Variants in SYNPO2 observed in about 807,000 individuals in gnomAD.
SYNPO2 encodes synaptopodin 2.
Under a neutral mutation model 85.0 loss-of-function variants are expected in SYNPO2, and 56 were observed. The ratio of observed to expected loss-of-function variants is 0.66; its 90% confidence interval spans 0.53 to 0.82. SYNPO2 has a LOEUF of 0.82. Among genes scored for constraint, SYNPO2 ranks in the 40% least tolerant of loss-of-function variants. The pLI, the probability that SYNPO2 is intolerant of heterozygous loss-of-function variation, is 0.00. For synonymous variants in SYNPO2, 602 were observed against 591.1 expected (o/e 1.02, Z -0.27); for missense variants, 1,575 against 1,534.2 (o/e 1.03, Z -0.44).
chr4:118,984,253 AAG>A (rs10561009), intron 1 of SYNPO2, among the ~76,000 whole-genome samples: 22,560 of 152,186 alleles, frequency 0.15, 1,801 homozygotes, highest in Admixed American at 0.18. Context: ...ACGCAGATGT[AAG>A]AGAGAGAAAA....
intron 4 of SYNPO2, chr4:119,043,915 G>A (rs1206266911): frequency 2.4e-5 from 3 of 125,110 alleles, no homozygotes; most frequent in Non-Finnish European, 4.7e-5. Flanking sequence ...TCCAGCCTGG[G>A]TGACAGAGAC....
intron 1 of SYNPO2, among the ~76,000 whole-genome samples, chr4:119,000,088 G>A (rs561565411): frequency 1.2e-4 from 19 of 152,334 alleles, no homozygotes; most frequent in African/African-American, 4.3e-4. Context: ...CTGGAGTGCA[G>A]TGGCACAATC....
chr4:118,970,355 C>T (rs1018027433), intron 1 of SYNPO2, among the ~76,000 whole-genome samples: 2 of 152,112 alleles, frequency 1.3e-5, no homozygotes, highest in Non-Finnish European at 2.9e-5. Context: ...ATCATATGTG[C>T]CAATCAAGAG....
chr4:119,037,196 T>C, intron 4 of SYNPO2: 2 of 1,539,830 alleles, frequency 1.3e-6, no homozygotes, highest in East Asian at 2.5e-5. Flanking sequence ...CTGATAATGA[T>C]AATACTCAAA....
At chr4:118,982,523 G>A (rs1736067963) in intron 1 of SYNPO2, among the ~76,000 whole-genome samples, 1 of 152,152 alleles carries the variant, frequency 6.6e-6, no homozygotes, top group Non-Finnish European at 1.5e-5. Flanking sequence ...AAGAGAAGGA[G>A]GATGGTATGC....
intron 4 of SYNPO2, chr4:119,034,566 A>T: frequency 1.0e-6 from 1 of 985,556 alleles, no homozygotes; most frequent in South Asian, 4.7e-5. Flanking sequence ...AAGCATCTAC[A>T]ACTTCAGCTG....
At position 118,888,882 on chromosome 4, in the gene SYNPO2, G is replaced by GCGGCTGGGGCA. The variant is rs1732265655; in HGVS notation, c.-155_-154insCGGCTGGGGCA. On this transcript the variant is annotated 5_prime_UTR_variant, in exon 1 of 5. Transcript: ENST00000307142. ...CAAATTCGCAGCAGGCGGCTGGGGC[G>GCGGCTGGGGCA]GCGGCTGGGGCAGCGGCTGCAGCAG... 1 of 735,410 alleles carries GCGGCTGGGGCA rather than the reference G, an allele frequency of 1.4e-6. No homozygotes were observed. The allele number at this position is 735,410 out of a possible 1,614,324, so 45.6% of individuals were successfully genotyped here. A position where few individuals can be genotyped will look rare whatever the true frequency, so the allele number is the denominator to read the frequency against.
At chr4:118,871,234 C>T (rs923254554) in intron 1 of SYNPO2, among the ~76,000 whole-genome samples, 1 of 152,158 alleles carries the variant, frequency 6.6e-6, no homozygotes, top group Non-Finnish European at 1.5e-5. Flanking sequence ...TACCACATCC[C>T]TCCCCACACC....
At chr4:118,975,978 G>A (rs780673687) in intron 1 of SYNPO2, among the ~76,000 whole-genome samples, 2 of 152,142 alleles carry the variant, frequency 1.3e-5, no homozygotes, top group Non-Finnish European at 2.9e-5. Flanking sequence ...TAAAAGTGCC[G>A]GCTATGGAGA....
chr4:118,890,856 G>C (rs1578522723), intron 1 of SYNPO2, among the ~76,000 whole-genome samples: 1 of 151,944 alleles, frequency 6.6e-6, no homozygotes, highest in Non-Finnish European at 1.5e-5. Flanking sequence ...AGTATTCTAC[G>C]ATCCTGATAG....
chr4:119,036,648 C>T lies in SYNPO2; in HGVS notation c.3252+4621C>T, dbSNP rs921337757. The T allele has an allele frequency of 1.2e-4, 119 of 985,450 alleles. No homozygotes were observed. In the African/African-American group the frequency reaches 1.9e-3, roughly 16 times the overall value. The allele number at this position is 985,450 out of a possible 1,614,324, so 61.0% of individuals were successfully genotyped here. A position where few individuals can be genotyped will look rare whatever the true frequency, so the allele number is the denominator to read the frequency against. The stretch of plus-strand genomic sequence containing the variant: ...CAAAAATGACAGGTCATCCTATGAG[C>T]GTCATGCCAATGAAACCCCATCTTC... On this transcript the variant is annotated intron_variant, in intron 4 of 4. Transcript: ENST00000307142.
intron 1 of SYNPO2, among the ~76,000 whole-genome samples, chr4:118,900,663 TTCTCTC>T (rs376467151): frequency 1.1e-3 from 88 of 77,538 alleles, no homozygotes; most frequent in African/African-American, 3.0e-3. Flanking sequence ...TAGAATCTCT[TTCTCTC>T]TCTCTCTCTC....
intron 1 of SYNPO2, among the ~76,000 whole-genome samples, chr4:118,868,151 T>TAA (rs11442874): frequency 1.3e-5 from 2 of 151,360 alleles, no homozygotes; most frequent in African/African-American, 2.4e-5. Context: ...TTTTACATAT[T>TAA]AAAAAAAATT....
chr4:118,875,260 G>T (rs1248639174), intron 1 of SYNPO2, among the ~76,000 whole-genome samples: 1 of 152,068 alleles, frequency 6.6e-6, no homozygotes, highest in Non-Finnish European at 1.5e-5. Flanking sequence ...GTCTATCATT[G>T]ATGGGCATTT....
intron 4 of SYNPO2, chr4:119,037,369 C>A (rs1738559535): frequency 8.1e-7 from 1 of 1,241,988 alleles, no homozygotes; most frequent in Non-Finnish European, 1.0e-6. Flanking sequence ...AAAGTTTGTA[C>A]TTGGCCCTGA....
chr4:118,852,399 A>G (rs1053839834), intron 1 of SYNPO2, among the ~76,000 whole-genome samples: 7 of 152,246 alleles, frequency 4.6e-5, no homozygotes, highest in African/African-American at 1.4e-4. Flanking sequence ...AAATCATTCT[A>G]TCATAAAGAA....
At chr4:118,864,217 A>G (rs1193515498) in intron 1 of SYNPO2, among the ~76,000 whole-genome samples, 1 of 152,086 alleles carries the variant, frequency 6.6e-6, no homozygotes, top group African/African-American at 2.4e-5. Context: ...TGGCCCACCA[A>G]TTTTTCAGGA....
At chr4:118,900,721 A>ATGTCTGTC (rs1732718004) in intron 1 of SYNPO2, among the ~76,000 whole-genome samples, 2 of 118,844 alleles carry the variant, frequency 1.7e-5, no homozygotes, top group South Asian at 3.1e-4. Context: ...ATATATATAT[A>ATGTCTGTC]TATATATATA....
intron 4 of SYNPO2, 110 bp downstream of exon 4, chr4:119,032,137 C>A: frequency 1.4e-5 from 21 of 1,510,300 alleles, no homozygotes; most frequent in Non-Finnish European, 1.7e-5. Flanking sequence ...GAATGCCTAG[C>A]AAAGTCCTCA....
Sources: allele counts gnomAD v4.1 joint callset (sites outside exome capture counted in the v4.1 genomes callset), GRCh38; gene constraint gnomAD v4.1.1; transcripts MANE v1.5; gene names NCBI Gene and HGNC (gene_info 2026-07-23, HGNC 2026-07-21).